The following CLBA1 variants were observed in gnomAD, a reference collection of about 807,000 sequenced individuals.
CLBA1 encodes the protein clathrin binding box of aftiphilin containing 1, also known as uncharacterized protein CLBA1.
In CLBA1, 30 loss-of-function variants were observed where a neutral mutation model predicts 28.8. The ratio of observed to expected loss-of-function variants is 1.04; its 90% CI spans 0.78 to 1.41. The LOEUF (loss-of-function observed/expected upper bound fraction) is 1.41. CLBA1 is among the 40% of genes most tolerant of loss of function. The pLI is 0.00. For missense variants in CLBA1, 451 were observed against 412.3 expected (o/e 1.09, Z -0.81); for synonymous variants, 160 against 152.8 (o/e 1.05, Z -0.35).
At chr14:104,993,631 C>T (rs958619300) in intron 4 of CLBA1, 2 of 985,330 alleles carry the variant, frequency 2.0e-6, no homozygotes, top group African/African-American at 3.5e-5. Context: ...TTGCAGCTCT[C>T]TCTTTTATCA....
At chr14:104,992,399 A>T (rs1595444620) in intron 3 of CLBA1, among the ~76,000 whole-genome samples, 1 of 152,364 alleles carries the variant, frequency 6.6e-6, no homozygotes, top group East Asian at 1.9e-4. Flanking sequence ...CTTAAATATT[A>T]TGGAAATTTT....
Position 104,985,904 on chromosome 14 carries a change from G to A in CLBA1, c.-528G>A, listed in dbSNP as rs1310849049. 2.3e-5 allele frequency: 3 copies of A among 128,062 alleles called. No homozygotes were observed. The highest frequency in any genetic ancestry group is 5.8e-5 in the South Asian group (1 of 17,104). The allele number at this position is 128,062 out of a possible 1,614,324, so 7.9% of individuals were successfully genotyped here. A position where few individuals can be genotyped will look rare whatever the true frequency, so the allele number is the denominator to read the frequency against. On this transcript the variant is annotated 5_prime_UTR_variant, in exon 1 of 5. In the 5' UTR this introduces an upstream ATG that the reference lacks. Transcript: ENST00000547315. ...GTGGGTGCGGGGACTCTCGGGAGCC[G>A]TGGGCCAGGCGCTTAGCCGGCCACC...
chr14:104,992,615 T>G (rs575927705), intron 3 of CLBA1, among the ~76,000 whole-genome samples: 14 of 152,236 alleles, frequency 9.2e-5, no homozygotes, highest in African/African-American at 3.1e-4. Context: ...ACCAGGAGGC[T>G]AGGAAATGGG....
At chr14:104,986,916 A>G in intron 1 of CLBA1, 62 bp downstream of exon 1, 3 of 1,554,574 alleles carry the variant, frequency 1.9e-6, no homozygotes, top group Non-Finnish European at 2.6e-6. Flanking sequence ...AGAGGCCTAC[A>G]GCCCTCGAAT....
chr14:104,993,233 G>C (rs953535826), intron 4 of CLBA1, 169 bp downstream of exon 4: 1 of 985,330 alleles, frequency 1.0e-6, no homozygotes, highest in African/African-American at 1.7e-5. Context: ...GGCAAATTGT[G>C]AACACCACTG....
chr14:104,987,699 C>T (rs1899905548), intron 1 of CLBA1, among the ~76,000 whole-genome samples: 2 of 131,290 alleles, frequency 1.5e-5, no homozygotes, highest in South Asian at 2.5e-4. Flanking sequence ...CTCACTGCAA[C>T]CTCTGTCTCC....
rs770120669 is a variant in CLBA1, at chr14:104,994,790, A to G, written c.*31A>G. On this transcript the variant is annotated 3_prime_UTR_variant, in exon 5 of 5. Transcript: ENST00000547315. ...GGAGGACTTTGTACCTTTATGAGGA[A>G]TTTTTCATTTTCTTCCTGGCTGGGT... The G allele has an allele frequency of 4.5e-6, 7 of 1,571,212 alleles. No homozygotes were observed. The highest frequency in any genetic ancestry group is 6.0e-6 in the Non-Finnish European group (7 of 1,157,268).
chr14:104,988,933 T>C lies in CLBA1; in HGVS notation c.424-10T>C, dbSNP rs763609167. The C allele has an allele frequency of 6.3e-7, 1 of 1,595,076 alleles. No homozygotes were observed. The highest frequency in any genetic ancestry group is 8.5e-7 in the Non-Finnish European group (1 of 1,171,554). ...CTAACTTTGGTATGCTTTTCTTCTT[T>C]TCTTTTCAGCCCATTCTCAGCTATG... On this transcript the variant is annotated splice_polypyrimidine_tract_variant and intron_variant, in intron 1 of 4. Coordinates refer to ENST00000547315, the MANE Select transcript of CLBA1 (RefSeq NM_174891.4).
At position 104,995,004 on chromosome 14, in the gene CLBA1, C is replaced by A; in HGVS notation, c.*245C>A. The A allele has an allele frequency of 9.4e-6, 11 of 1,166,714 alleles. No homozygotes were observed. The highest frequency in any genetic ancestry group is 1.2e-5 in the Non-Finnish European group (11 of 943,850). The allele number at this position is 1,166,714 out of a possible 1,614,324, so 72.3% of individuals were successfully genotyped here. A position where few individuals can be genotyped will look rare whatever the true frequency, so the allele number is the denominator to read the frequency against. On this transcript the variant is annotated 3_prime_UTR_variant, in exon 5 of 5. Transcript: ENST00000547315. ...GATGCCATGACAGGCTGTCGGGGTC[C>A]AGGTGGCACTCATGGGCCCCCTGCC...
chr14:104,995,949 G>C (rs1900149493), downstream of CLBA1, among the ~76,000 whole-genome samples: 1 of 152,172 alleles, frequency 6.6e-6, no homozygotes, highest in Non-Finnish European at 1.5e-5. Flanking sequence ...ACTGTCTTTT[G>C]GGCCCTGCCA....
intron 1 of CLBA1, 50 bp downstream of exon 1, chr14:104,986,904 C>T (rs1456267262): frequency 6.3e-7 from 1 of 1,580,592 alleles, no homozygotes; most frequent in Non-Finnish European, 8.6e-7. Flanking sequence ...GTGTACACAC[C>T]AAGAGGCCTA....
chr14:104,987,984 CTTAA>C (rs1899914294), intron 1 of CLBA1, among the ~76,000 whole-genome samples: 1 of 152,020 alleles, frequency 6.6e-6, no homozygotes, highest in Admixed American at 6.6e-5. Flanking sequence ...GAGATCCACT[CTTAA>C]TAGAGTAAGG....
downstream of CLBA1, among the ~76,000 whole-genome samples, chr14:104,996,574 G>C (rs1462705813): frequency 6.6e-6 from 1 of 152,230 alleles, no homozygotes; most frequent in Non-Finnish European, 1.5e-5. Context: ...ACAGTGGGCG[G>C]GAGGCAAGCC....
chr14:105,000,202 TCAAA>T (rs2140902706), downstream of CLBA1, among the ~76,000 whole-genome samples: 1 of 151,964 alleles, frequency 6.6e-6, no homozygotes, highest in Admixed American at 6.6e-5. Context: ...CATAAGGAAC[TCAAA>T]CAACGTAACA....
downstream of CLBA1, among the ~76,000 whole-genome samples, chr14:104,998,427 A>AG (rs1394022807): frequency 6.6e-6 from 1 of 151,566 alleles, no homozygotes; most frequent in African/African-American, 2.4e-5. Flanking sequence ...AAAAAAAAAA[A>AG]AGAATTAAGT....
At chr14:104,997,966 GCCATTGCACT>G (rs1900184488), downstream of CLBA1, among the ~76,000 whole-genome samples, 1 of 151,878 alleles carries the variant, frequency 6.6e-6, no homozygotes, top group Admixed American at 6.6e-5. Context: ...CCGAGATCAC[GCCATTGCACT>G]CCAGTCTGGG....
Position 104,986,279 on chromosome 14 carries a change from G to A in CLBA1, c.-153G>A, listed in dbSNP as rs1899851648. On this transcript the variant is annotated 5_prime_UTR_variant, in exon 1 of 5. Transcript: ENST00000547315. ...CAGCAGCACGTGGGCACTTTCCACC[G>A]TCAGCCACTGGGCAGCCCGGGGCAC... The A allele has an allele frequency of 2.7e-6, 2 of 747,372 alleles. No individual in the cohort carries two copies. Among genetic ancestry groups the A allele is most frequent in the South Asian group, 1.9e-5 (1 of 53,764 alleles). The allele number at this position is 747,372 out of a possible 1,614,324, so 46.3% of individuals were successfully genotyped here. A position where few individuals can be genotyped will look rare whatever the true frequency, so the allele number is the denominator to read the frequency against.
At chr14:104,997,825 A>G (rs1900181772), downstream of CLBA1, among the ~76,000 whole-genome samples, 1 of 152,092 alleles carries the variant, frequency 6.6e-6, no homozygotes, top group African/African-American at 2.4e-5. Context: ...CCTGGCCAAC[A>G]CGGAGAAACC....
At chr14:104,992,913 C>A in intron 3 of CLBA1, 35 bp from the exon 4 acceptor site, 2 of 1,489,838 alleles carry the variant, frequency 1.3e-6, no homozygotes, top group Non-Finnish European at 1.9e-6. Flanking sequence ...AAAATGATGA[C>A]TGTACCGGCT....
Sources: allele counts gnomAD v4.1 joint callset (sites outside exome capture counted in the v4.1 genomes callset), GRCh38; gene constraint gnomAD v4.1.1; transcripts MANE v1.5; gene names NCBI Gene and HGNC (gene_info 2026-07-23, HGNC 2026-07-21).